JAKMIP1: variants seen among roughly 807,000 people sequenced by gnomAD.
JAKMIP1 encodes the protein janus kinase and microtubule interacting protein 1.
JAKMIP1 carries 33 observed loss-of-function variants against 113.0 expected under a neutral mutation model. That is an observed-to-expected ratio of 0.29 (90% CI 0.22 to 0.39). JAKMIP1 has a LOEUF of 0.39. Ranked by LOEUF, JAKMIP1 falls within the 10% of genes least tolerant of loss-of-function variation. JAKMIP1 has a pLI of 1.00. For synonymous variants in JAKMIP1, 480 were observed against 459.9 expected (o/e 1.04, Z -0.56); for missense variants, 813 against 1,080.5 (o/e 0.75, Z 3.47).
At position 6,109,164 on chromosome 4, in the gene JAKMIP1, G is replaced by A. The variant is rs576047331; in HGVS notation, c.130-3197C>T. Among the ~76,000 whole-genome samples, 8 of 119,796 alleles carry A rather than the reference G, an allele frequency of 6.7e-5. 1 individual carries two copies. The South Asian group carries it at 8.2e-4, about 12-fold the overall frequency. 78.6% of individuals were successfully genotyped at this position (119,796 alleles called of 152,430 possible). On this transcript the variant is annotated intron_variant, in intron 2 of 20. Transcript: ENST00000409021. ...TTTTTTTTTTTTGAGTCGGAGTCTC[G>A]CTCTGTCCCCCAGGCTGGAGTGCAG...
intron 1 of JAKMIP1, among the ~76,000 whole-genome samples, chr4:6,172,832 G>C (rs1724897563): frequency 2.0e-5 from 3 of 152,002 alleles, no homozygotes; most frequent in Non-Finnish European, 4.4e-5. Flanking sequence ...CACAAACACT[G>C]ACTGTGCATC....
At position 6,112,737 on chromosome 4, in the gene JAKMIP1, C is replaced by G. The variant is rs1344591735; in HGVS notation, c.114G>C (p.Gln38His). 2.5e-6 allele frequency: 4 copies of G among 1,613,748 alleles called. No individual in the cohort carries two copies. The African/African-American group carries it at 4.0e-5, about 16-fold the overall frequency. Residue 38 changes from glutamine to histidine, a missense_variant, in exon 2 of 21, where the codon CAG becomes CAC. Gln to His is a conservative substitution (Grantham distance 24). Around this residue, in one of 2 missense-constraint regions of JAKMIP1, gnomAD observed 540 missense variants for 653.9 expected, o/e 0.83. Transcript: ENST00000409021. ...AKLTSIQIEF[Q>H]QEKSKVGKLR... ...CAACCCCCACCTTGCTTTTTTCCTG[C>G]TGGAACTCGATCTGAATGCTGGTCA...
chr4:6,168,140 C>G lies in JAKMIP1; in HGVS notation c.-148+32113G>C, dbSNP rs540055826. Among the ~76,000 whole-genome samples the G allele has an allele frequency of 6.6e-6, 1 of 152,200 alleles. No individual in the cohort carries two copies. Among genetic ancestry groups the G allele is most frequent in the African/African-American group, 2.4e-5 (1 of 41,456 alleles). On this transcript the variant is annotated intron_variant, in intron 1 of 20. Coordinates refer to ENST00000409021, the MANE Select transcript of JAKMIP1 (RefSeq NM_001099433.2). This position sits in a 1 kb window ranked among gnomAD's most constrained non-coding sequence, Gnocchi z 4.6. ...CTGCAATCAAAAAAGCGCACAACAA[C>G]AAGTGTGGGTGAGCATGTGGGGAAC...
intron 8 of JAKMIP1, among the ~76,000 whole-genome samples, chr4:6,072,941 G>T (rs1719180429): frequency 6.6e-6 from 1 of 151,966 alleles, no homozygotes; most frequent in African/African-American, 2.4e-5. Context: ...AATTAGCCAG[G>T]CCTGGTGGCA....
chr4:6,062,265 C>T (rs1472412483), intron 10 of JAKMIP1, 47 bp downstream of exon 10: 2 of 1,607,450 alleles, frequency 1.2e-6, no homozygotes, highest in Admixed American at 1.7e-5. Context: ...ACCTACATGA[C>T]CTGGCCTTCG....
In JAKMIP1 at chr4:6,199,643, C is replaced by T. The variant is rs540508974; in HGVS notation, c.-148+610G>A. The stretch of plus-strand genomic sequence containing the variant: ...CTCCCCGGCGCCCACGTGGGCGGAG[C>T]AGCGCGAGGGTGTGCGTGGCAGGGG... On this transcript the variant is annotated intron_variant, in intron 1 of 20. Transcript: ENST00000409021. The surrounding 1 kb of genome is among the most constrained non-coding windows in gnomAD (Gnocchi z 5.6). Among the ~76,000 whole-genome samples the T allele has an allele frequency of 8.6e-5, 13 of 151,838 alleles. No homozygotes were observed. Among genetic ancestry groups the T allele is most frequent in the African/African-American group, 3.1e-4 (13 of 41,498 alleles).
At chr4:6,115,755 C>G (rs1232302892) in intron 1 of JAKMIP1, among the ~76,000 whole-genome samples, 1 of 152,284 alleles carries the variant, frequency 6.6e-6, no homozygotes, top group South Asian at 2.1e-4. Context: ...CTGCAATTAG[C>G]CAGGAAGGAC....
Position 6,045,214 on chromosome 4 carries a change from A to G in JAKMIP1, c.2029-2987T>C, listed in dbSNP as rs73073418. On this transcript the variant is annotated intron_variant, in intron 16 of 20. Coordinates refer to ENST00000409021, the MANE Select transcript of JAKMIP1 (RefSeq NM_001099433.2). ...CCTATCCATCGTTACTAGTGAGAACATGGCCTTTAAGACATTCCCACCTGG... is the reference window on the plus strand; with the variant it reads ...CCTATCCATCGTTACTAGTGAGAACGTGGCCTTTAAGACATTCCCACCTGG... 5.3e-3 allele frequency among the ~76,000 whole-genome samples: 809 copies of G among 152,380 alleles called. 7 individuals carry two copies. Among genetic ancestry groups the G allele is most frequent in the African/African-American group, 0.018 (746 of 41,596 alleles).
In JAKMIP1 at chr4:6,062,432, G is replaced by A; in HGVS notation, c.1440C>T (p.Ala480=). Residue 480 remains alanine, a synonymous_variant, in exon 10 of 21, where the codon GCC becomes GCT. Transcript: ENST00000409021. The part of the protein sequence containing the change: ...TPEEDLDDAT[A]REEADLRFCQ... ...AGAAGCGCAGGTCAGCCTCCTCTCG[G>A]GCTGTGGCCTTCACATAATGGAGAA... 1 of 1,613,014 alleles carries A rather than the reference G, an allele frequency of 6.2e-7. No homozygotes were observed. Among genetic ancestry groups the A allele is most frequent in the Non-Finnish European group, 8.5e-7 (1 of 1,179,284 alleles).
intron 19 of JAKMIP1, among the ~76,000 whole-genome samples, chr4:6,033,547 A>G (rs900757658): frequency 5.9e-5 from 9 of 152,196 alleles, no homozygotes; most frequent in Admixed American, 3.9e-4. Flanking sequence ...CAACACTTCA[A>G]GTTGTGTGTG....
intron 1 of JAKMIP1, among the ~76,000 whole-genome samples, chr4:6,131,509 C>G (rs1718519291): frequency 1.3e-5 from 2 of 151,968 alleles, no homozygotes; most frequent in Non-Finnish European, 2.9e-5. Flanking sequence ...GTGGGTGGAT[C>G]ACTTGAGGCC....
At position 6,180,940 on chromosome 4, in the gene JAKMIP1, C is replaced by T. The variant is rs73077426; in HGVS notation, c.-148+19313G>A. ...CATTTTGGAATCTCCCCTTTATTAA[C>T]GTGCAAAGACCCCTTAAGAAGTCCC... On this transcript the variant is annotated intron_variant, in intron 1 of 20. Coordinates refer to ENST00000409021, the MANE Select transcript of JAKMIP1 (RefSeq NM_001099433.2). The surrounding 1 kb of genome is among the most constrained non-coding windows in gnomAD (Gnocchi z 4.5). Among the ~76,000 whole-genome samples the T allele has an allele frequency of 1.4e-4, 21 of 152,156 alleles. No individual in the cohort carries two copies. Among genetic ancestry groups the T allele is most frequent in the African/African-American group, 5.1e-4 (21 of 41,506 alleles).
rs78430800 is a variant in JAKMIP1 at position 6,056,522 on chromosome 4, G to A, written c.1707+175C>T. 5.8e-3 allele frequency among the ~76,000 whole-genome samples: 888 copies of A among 152,372 alleles called. 4 individuals carry two copies. Among genetic ancestry groups the A allele is most frequent in the Non-Finnish European group, 9.4e-3 (637 of 68,022 alleles). On this transcript the variant is annotated intron_variant, in intron 12 of 20. Coordinates refer to ENST00000409021, the MANE Select transcript of JAKMIP1 (RefSeq NM_001099433.2). The stretch of plus-strand genomic sequence containing the variant: ...GGTCCCAGAGGATAGAACCACAGAT[G>A]TGGCTTTGATTCCATGTGAGGAAGA...
At position 6,042,238 on chromosome 4, in the gene JAKMIP1, G is replaced by T. The variant is rs1486145527; in HGVS notation, c.2029-11C>A. On this transcript the variant is annotated splice_polypyrimidine_tract_variant and intron_variant, in intron 16 of 20. Coordinates refer to ENST00000409021, the MANE Select transcript of JAKMIP1 (RefSeq NM_001099433.2). The surrounding 1 kb of genome is among the most constrained non-coding windows in gnomAD (Gnocchi z 5.2). ...TATTTGCTTCAGCCACTAGAAAACA[G>T]CAGGGACAGGACGGGTGCAGCAAAG... 2 of 1,611,986 alleles carry T rather than the reference G, an allele frequency of 1.2e-6. No homozygotes were observed.
intron 3 of JAKMIP1, among the ~76,000 whole-genome samples, chr4:6,104,320 G>T (rs1383374510): frequency 1.3e-5 from 2 of 152,082 alleles, no homozygotes; most frequent in African/African-American, 4.8e-5. Flanking sequence ...CTGTGGATTT[G>T]TCTGCTTCTC....
In JAKMIP1 at chr4:6,076,746, G is replaced by T. The variant is rs1023400768; in HGVS notation, c.1302+2193C>A. ...GGAATATTTGCATAAACAGAATAAG[G>T]TATCTTGGGGATGGGACCCAAGTCT... On this transcript the variant is annotated intron_variant, in intron 8 of 20. Coordinates refer to ENST00000409021, the MANE Select transcript of JAKMIP1 (RefSeq NM_001099433.2). The surrounding 1 kb of genome is among the most constrained non-coding windows in gnomAD (Gnocchi z 4.8). Among the ~76,000 whole-genome samples the T allele has an allele frequency of 6.6e-6, 1 of 152,150 alleles. No homozygotes were observed. The highest frequency in any genetic ancestry group is 1.5e-5 in the Non-Finnish European group (1 of 68,034).
intron 3 of JAKMIP1, among the ~76,000 whole-genome samples, chr4:6,099,927 T>C (rs945169676): frequency 6.6e-6 from 1 of 152,232 alleles, no homozygotes; most frequent in Non-Finnish European, 1.5e-5. Flanking sequence ...CTGCTCCACG[T>C]CCTTGCCATT....
chr4:6,107,674 C>T (rs753230819), intron 2 of JAKMIP1, among the ~76,000 whole-genome samples: 3 of 152,186 alleles, frequency 2.0e-5, no homozygotes, highest in Non-Finnish European at 4.4e-5. Flanking sequence ...GCTGGTCTGC[C>T]CTACACATTT....
chr4:6,028,534 G>C (rs970426425), intron 20 of JAKMIP1, among the ~76,000 whole-genome samples: 10 of 152,354 alleles, frequency 6.6e-5, no homozygotes, highest in African/African-American at 2.2e-4. Context: ...TGGGCACATG[G>C]TTTGATTCCC....
Sources: allele counts gnomAD v4.1 joint callset (sites outside exome capture counted in the v4.1 genomes callset), GRCh38; gene constraint gnomAD v4.1.1; regional missense constraint gnomAD v4.1.1; non-coding constraint Gnocchi (gnomAD v3.1); transcripts MANE v1.5; gene names NCBI Gene and HGNC (gene_info 2026-07-23, HGNC 2026-07-21).